POLE2: variants seen among roughly 807,000 people sequenced by gnomAD.
POLE2 encodes DNA polymerase epsilon subunit 2.
POLE2 carries 56 observed loss-of-function variants against 79.4 expected under a neutral mutation model. That is an observed-to-expected ratio of 0.71 (90% CI 0.57 to 0.88). POLE2 has a LOEUF of 0.88. POLE2 is among the 40% of genes least tolerant of loss of function. The pLI is 0.00. For missense variants in POLE2, 598 were observed against 638.9 expected (o/e 0.94, Z 0.69); for synonymous variants, 212 against 214.0 (o/e 0.99, Z 0.08).
At chr14:49,684,511 T>C (rs1231301343) in intron 1 of POLE2, 1 of 151,376 alleles carries the variant, frequency 6.6e-6, no homozygotes, top group African/African-American at 2.4e-5. Flanking sequence ...AATATAATCA[T>C]AGAAGCAACA....
intron 2 of POLE2, chr14:49,681,958 A>C (rs1886742380): frequency 6.5e-6 from 1 of 152,770 alleles, no homozygotes; most frequent in South Asian, 2.1e-4. Flanking sequence ...TCAAGAAAAA[A>C]ATGACCATCT....
chr14:49,650,686 G>A (rs1428770453), intron 16 of POLE2, among the ~76,000 whole-genome samples: 4 of 152,074 alleles, frequency 2.6e-5, no homozygotes, highest in Non-Finnish European at 4.4e-5. Flanking sequence ...TGCTGCCCAG[G>A]CTGGTCTCAA....
chr14:49,652,063 C>A (rs1884286551), intron 15 of POLE2, among the ~76,000 whole-genome samples: 1 of 151,928 alleles, frequency 6.6e-6, no homozygotes, highest in Non-Finnish European at 1.5e-5. Context: ...CACGAGGGGT[C>A]CCTTTTTCCA....
At chr14:49,643,818 C>A (rs1883563751) in intron 18 of POLE2, 148 bp from the exon 19 acceptor site, 1 of 317,422 alleles carries the variant, frequency 3.2e-6, no homozygotes, top group East Asian at 5.4e-5. Flanking sequence ...AAAGGAGACT[C>A]TAAAAAATAA....
intron 15 of POLE2, among the ~76,000 whole-genome samples, chr14:49,652,411 T>TCCAGGCCATGGACTGGTA (rs1484220948): frequency 2.7e-4 from 40 of 150,430 alleles, no homozygotes; most frequent in Non-Finnish European, 4.3e-4. Flanking sequence ...CTCCTCAACC[T>TCCAGGCCATGGACTGGTA]CCAGGCCATG....
intron 10 of POLE2, among the ~76,000 whole-genome samples, chr14:49,658,083 T>A (rs1400437215): frequency 6.6e-6 from 1 of 151,756 alleles, no homozygotes; most frequent in East Asian, 1.9e-4. Context: ...CATCTTTTTT[T>A]TTTTTTCTTT....
intron 10 of POLE2, among the ~76,000 whole-genome samples, chr14:49,657,934 TAA>T (rs1238711001): frequency 6.6e-6 from 1 of 152,170 alleles, no homozygotes; most frequent in African/African-American, 2.4e-5. Context: ...TCAGAAATGT[TAA>T]GTGACTTATC....
At position 49,664,632 on chromosome 14, in the gene POLE2, C is replaced by CTA. The variant is rs2139649210; in HGVS notation, c.674_675dup (p.Ala226Ter). Reference sequence around the variant, plus strand: ...ACAAAGTATACTGACTTACCTTCTGCTAAGACAAAGCATGCCTCTGTGTAT... The same window carrying CTA: ...ACAAAGTATACTGACTTACCTTCTGCTATAAGACAAAGCATGCCTCTGTGTAT... On this transcript the variant is annotated frameshift_variant, in exon 9 of 19. Coordinates refer to ENST00000216367, the MANE Select transcript of POLE2 (RefSeq NM_002692.4). LOFTEE classifies it high-confidence loss of function. The CTA allele has an allele frequency of 6.3e-7, 1 of 1,588,032 alleles. No individual in the cohort carries two copies. Among genetic ancestry groups the CTA allele is most frequent in the African/African-American group, 1.3e-5 (1 of 74,486 alleles).
intron 6 of POLE2, among the ~76,000 whole-genome samples, chr14:49,667,539 A>G (rs1885573605): frequency 6.6e-6 from 1 of 151,092 alleles, no homozygotes; most frequent in Non-Finnish European, 1.5e-5. Context: ...TTGGCCCACT[A>G]CACAGATAGA....
At chr14:49,662,040 A>C (rs779229101) in intron 10 of POLE2, among the ~76,000 whole-genome samples, 2 of 152,222 alleles carry the variant, frequency 1.3e-5, no homozygotes, top group Non-Finnish European at 2.9e-5. Flanking sequence ...ATACCATGAC[A>C]ATGGCAATTT....
intron 17 of POLE2, among the ~76,000 whole-genome samples, chr14:49,649,474 G>A (rs544585113): frequency 1.7e-5 from 2 of 116,620 alleles, no homozygotes; most frequent in Admixed American, 8.8e-5. Context: ...TTTTGAGATG[G>A]AGTCTCGCTC....
intron 10 of POLE2, among the ~76,000 whole-genome samples, chr14:49,660,132 A>T (rs527888963): frequency 9.9e-5 from 15 of 152,268 alleles, no homozygotes; most frequent in African/African-American, 3.4e-4. Context: ...TCTTTTCTGT[A>T]TCTAGAGAGA....
At chr14:49,675,232 G>T (rs1015075703) in intron 3 of POLE2, among the ~76,000 whole-genome samples, 2 of 151,638 alleles carry the variant, frequency 1.3e-5, no homozygotes, top group African/African-American at 4.8e-5. Context: ...TTACAGGCAT[G>T]CACCACCACG....
intron 18 of POLE2, among the ~76,000 whole-genome samples, chr14:49,646,340 T>G (rs867566088): frequency 7.2e-5 from 9 of 125,352 alleles, no homozygotes; most frequent in African/African-American, 3.0e-4. Context: ...TTTTTTGAGA[T>G]AGAGTCTCAC....
At chr14:49,678,814 C>T (rs759862368) in intron 3 of POLE2, among the ~76,000 whole-genome samples, 26 of 151,008 alleles carry the variant, frequency 1.7e-4, no homozygotes, top group Non-Finnish European at 8.8e-5. Context: ...GCCCCACTAC[C>T]GCCCAGCTAA....
chr14:49,682,561 C>T (rs1260271892), intron 2 of POLE2, among the ~76,000 whole-genome samples: 1 of 146,324 alleles, frequency 6.8e-6, no homozygotes, highest in Non-Finnish European at 1.5e-5. Flanking sequence ...CATTTGAACC[C>T]AGGAGGCAGA....
intron 6 of POLE2, among the ~76,000 whole-genome samples, chr14:49,667,018 C>T (rs1004935223): frequency 2.0e-5 from 3 of 151,902 alleles, no homozygotes; most frequent in African/African-American, 7.3e-5. Flanking sequence ...GAAATCCTGT[C>T]TCTACTAAAA....
At chr14:49,686,647 C>T (rs1372447611) in intron 1 of POLE2, among the ~76,000 whole-genome samples, 1 of 152,120 alleles carries the variant, frequency 6.6e-6, no homozygotes, top group African/African-American at 2.4e-5. Context: ...ATTATCTGCC[C>T]CCTACAAAGC....
intron 5 of POLE2, among the ~76,000 whole-genome samples, chr14:49,670,857 A>G (rs930014644): frequency 1.3e-5 from 2 of 152,218 alleles, no homozygotes; most frequent in South Asian, 2.1e-4. Flanking sequence ...GGACTTCTAG[A>G]CTTCATAATA....
Sources: allele counts gnomAD v4.1 joint callset (sites outside exome capture counted in the v4.1 genomes callset), GRCh38; gene constraint gnomAD v4.1.1; transcripts MANE v1.5; gene names NCBI Gene and HGNC (gene_info 2026-07-23, HGNC 2026-07-21).